PDE1C: variants seen among roughly 807,000 people sequenced by gnomAD.
PDE1C encodes the protein dual specificity calcium/calmodulin-dependent 3',5'-cyclic nucleotide phosphodiesterase 1C.
PDE1C carries 62 observed loss-of-function variants against 93.1 expected under a neutral mutation model. The ratio of observed to expected loss-of-function variants is 0.67; its 90% CI spans 0.54 to 0.82. PDE1C has a LOEUF of 0.82. Among genes scored for constraint, PDE1C ranks in the 40% least tolerant of loss-of-function variants. The probability of loss-of-function intolerance (pLI) is 0.00; values close to 1 mark genes in which losing one functional copy is unlikely to be tolerated. For missense variants in PDE1C, 742 were observed against 884.6 expected, an observed-to-expected ratio of 0.84 and a Z score of 2.04; for synonymous variants, 325 against 310.1, an observed-to-expected ratio of 1.05 and a Z score of -0.50.
At chr7:32,077,560 T>A (rs1796421566) in intron 3 of PDE1C, among the ~76,000 whole-genome samples, 1 of 152,170 alleles carries the variant, frequency 6.6e-6, no homozygotes, top group Admixed American at 6.5e-5. Context: ...ATTTACTTTT[T>A]TAATTTATTT....
chr7:32,195,668 A>T (rs1435277501), intron 2 of PDE1C, among the ~76,000 whole-genome samples: 1 of 152,208 alleles, frequency 6.6e-6, no homozygotes, highest in Admixed American at 6.5e-5. Flanking sequence ...CCTGGGCAAC[A>T]TAGTGAGACC....
At chr7:32,039,011 A>G (rs1409801856) in intron 2 of PDE1C, among the ~76,000 whole-genome samples, 3 of 152,184 alleles carry the variant, frequency 2.0e-5, no homozygotes, top group African/African-American at 7.2e-5. Flanking sequence ...TGAAGTTAGC[A>G]ATAACTGTGC....
intron 1 of PDE1C, among the ~76,000 whole-genome samples, chr7:32,360,116 C>T (rs1784108985): frequency 6.6e-6 from 1 of 152,160 alleles, no homozygotes; most frequent in Admixed American, 6.5e-5. Context: ...TATTCAGTGG[C>T]CACCACTTAG....
intron 3 of PDE1C, among the ~76,000 whole-genome samples, chr7:32,144,478 C>T (rs1308682882): frequency 1.3e-5 from 2 of 152,136 alleles, no homozygotes; most frequent in Non-Finnish European, 2.9e-5. Context: ...TGGAGGAATC[C>T]TGTATTTCTT....
the PDE1C span, among the ~76,000 whole-genome samples, chr7:31,714,189 G>C: frequency 6.6e-6 from 1 of 152,130 alleles, no homozygotes; most frequent in Non-Finnish European, 1.5e-5. Context: ...AATTTCTTCT[G>C]CCAGATATTG....
At chr7:31,795,508 G>T (rs1216081811) in intron 16 of PDE1C, among the ~76,000 whole-genome samples, 1 of 151,678 alleles carries the variant, frequency 6.6e-6, no homozygotes, top group Non-Finnish European at 1.5e-5. Context: ...AAAATACAGT[G>T]GTACATTAGT....
chr7:32,379,902 G>C (rs1294776650), intron 1 of PDE1C, among the ~76,000 whole-genome samples: 1 of 152,162 alleles, frequency 6.6e-6, no homozygotes, highest in Admixed American at 6.5e-5. Context: ...TCCAATCAGT[G>C]TTGCCAGGAC....
At chr7:32,147,322 AAG>A (rs1025574627) in intron 3 of PDE1C, among the ~76,000 whole-genome samples, 2 of 144,030 alleles carry the variant, frequency 1.4e-5, no homozygotes, top group African/African-American at 5.7e-5. Context: ...GAAAGAAAGA[AAG>A]AAAGAAAGAC....
At chr7:32,006,103 G>A (rs1294425917) in intron 2 of PDE1C, among the ~76,000 whole-genome samples, 9 of 152,144 alleles carry the variant, frequency 5.9e-5, no homozygotes, top group Admixed American at 4.6e-4. Context: ...AGTTCTGACT[G>A]AAAAGTCAAA....
chr7:31,823,468 A>G (rs951287559), intron 13 of PDE1C, among the ~76,000 whole-genome samples: 2 of 152,000 alleles, frequency 1.3e-5, no homozygotes, highest in Non-Finnish European at 2.9e-5. Flanking sequence ...AAGAGTCTCT[A>G]TATTCTTCAT....
At chr7:32,359,972 G>T (rs1047609450) in intron 1 of PDE1C, among the ~76,000 whole-genome samples, 3 of 152,110 alleles carry the variant, frequency 2.0e-5, no homozygotes, top group Non-Finnish European at 2.9e-5. Context: ...AATTACAGAT[G>T]GGCTACATTT....
At chr7:31,960,695 G>A (rs77799245) in intron 2 of PDE1C, among the ~76,000 whole-genome samples, 6,402 of 152,262 alleles carry the variant, frequency 0.042, 218 homozygotes, top group South Asian at 0.09. Context: ...GGTGAAGAGT[G>A]TATAGGAGTT....
chr7:31,675,917 T>C, the PDE1C span, among the ~76,000 whole-genome samples: 2 of 152,142 alleles, frequency 1.3e-5, no homozygotes, highest in Non-Finnish European at 2.9e-5. Context: ...AAGGTATCCA[T>C]CTGAAGATCT....
At chr7:31,753,917 T>C (rs1162395023) in intron 17 of PDE1C, among the ~76,000 whole-genome samples, 2 of 152,214 alleles carry the variant, frequency 1.3e-5, no homozygotes, top group African/African-American at 2.4e-5. Flanking sequence ...GCATTTAGCA[T>C]TGTATGTAAG....
intron 3 of PDE1C, among the ~76,000 whole-genome samples, chr7:32,124,291 T>C (rs554858836): frequency 3.3e-4 from 51 of 152,308 alleles, no homozygotes; most frequent in African/African-American, 1.1e-3. Context: ...AAGTAGTTTA[T>C]AGATTCAATG....
At chr7:32,015,361 T>TCTC (rs1182688123) in intron 2 of PDE1C, among the ~76,000 whole-genome samples, 1 of 151,886 alleles carries the variant, frequency 6.6e-6, no homozygotes, top group Non-Finnish European at 1.5e-5. Context: ...AGACACTAAT[T>TCTC]CTCCACCCCA....
At chr7:31,694,219 G>T in the PDE1C span, among the ~76,000 whole-genome samples, 2 of 152,158 alleles carry the variant, frequency 1.3e-5, no homozygotes, top group African/African-American at 4.8e-5. Flanking sequence ...ACTCAGGACT[G>T]GAGTTAATAC....
chr7:32,034,527 C>G (rs142325450), intron 2 of PDE1C, among the ~76,000 whole-genome samples: 3 of 152,252 alleles, frequency 2.0e-5, no homozygotes, highest in African/African-American at 7.2e-5. Context: ...TCCCCATTCT[C>G]TACAAAAATT....
At chr7:32,276,387 C>T (rs1382389322) in intron 1 of PDE1C, among the ~76,000 whole-genome samples, 1 of 152,132 alleles carries the variant, frequency 6.6e-6, no homozygotes, top group African/African-American at 2.4e-5. Flanking sequence ...AAGAAAAAAA[C>T]GTTTAAACTT....
Sources: gnomAD v4.1 joint callset for allele counts (sites outside exome capture counted in the v4.1 genomes callset) on GRCh38, gnomAD v4.1.1 for gene constraint, MANE v1.5 for transcripts, NCBI Gene and HGNC (gene_info 2026-07-23, HGNC 2026-07-21) for gene names.